Variants in PTBP3 observed in about 807,000 individuals in gnomAD.
The protein encoded by PTBP3 is polypyrimidine tract binding protein 3.
Under a neutral mutation model 58.7 loss-of-function variants are expected in PTBP3, and 20 were observed. The observed-to-expected ratio is 0.34, with a 90% CI of 0.24 to 0.50. The LOEUF is 0.50. PTBP3 is among the 20% of genes least tolerant of loss of function. The pLI is 0.98. For synonymous variants in PTBP3, 185 were observed against 219.8 expected (o/e 0.84, Z 1.40); for missense variants, 509 against 637.2 (o/e 0.80, Z 2.17).
intron 3 of PTBP3, among the ~76,000 whole-genome samples, chr9:112,271,433 A>C (rs551336934): frequency 1.6e-4 from 25 of 152,194 alleles, no homozygotes; most frequent in Non-Finnish European, 3.5e-4. Flanking sequence ...CTTTATCATA[A>C]AATAAAGACA....
At chr9:112,347,654 TAATC>T in the PTBP3 span, among the ~76,000 whole-genome samples, 2 of 152,182 alleles carry the variant, frequency 1.3e-5, no homozygotes, top group Admixed American at 1.3e-4. Flanking sequence ...ATAATGTTAA[TAATC>T]AAGCACAACT....
the PTBP3 span, among the ~76,000 whole-genome samples, chr9:112,367,852 TTC>T: frequency 1.3e-5 from 2 of 152,300 alleles, no homozygotes; most frequent in African/African-American, 4.8e-5. Flanking sequence ...TTGGGGAGTT[TTC>T]TGTCATTGTT....
At chr9:112,329,470 C>T (rs542105845) in intron 1 of PTBP3, among the ~76,000 whole-genome samples, 11 of 152,034 alleles carry the variant, frequency 7.2e-5, no homozygotes, top group Non-Finnish European at 1.2e-4. Flanking sequence ...TGATTTATAA[C>T]CTAGAAGAAT....
At chr9:112,327,385 C>T (rs1451028612) in intron 1 of PTBP3, among the ~76,000 whole-genome samples, 1 of 151,748 alleles carries the variant, frequency 6.6e-6, no homozygotes, top group Non-Finnish European at 1.5e-5. Context: ...ATGGTGAAAC[C>T]GTTTCTACTA....
chr9:112,327,799 G>GA (rs112948823), intron 1 of PTBP3, among the ~76,000 whole-genome samples: 65,558 of 144,188 alleles, frequency 0.45, 15,828 homozygotes, highest in African/African-American at 0.64. Context: ...ACTAATAGAG[G>GA]AAAAAAAAAA....
At chr9:112,227,383 A>G (rs1421998434) in intron 12 of PTBP3, 28 bp downstream of exon 12, 1 of 1,584,812 alleles carries the variant, frequency 6.3e-7, no homozygotes. Flanking sequence ...TCATCATCTA[A>G]GTGATTAATA....
chr9:112,356,794 GCGCACACACA>G, the PTBP3 span, among the ~76,000 whole-genome samples: 2 of 137,184 alleles, frequency 1.5e-5, no homozygotes, highest in African/African-American at 2.8e-5. Context: ...AATTGCGTGT[GCGCACACACA>G]CACACACACA....
intron 1 of PTBP3, among the ~76,000 whole-genome samples, chr9:112,313,036 T>G (rs1172503700): frequency 6.6e-6 from 1 of 151,646 alleles, no homozygotes; most frequent in Non-Finnish European, 1.5e-5. Flanking sequence ...AGCAAGACAC[T>G]GTTTCAAAGA....
At chr9:112,239,063 A>G (rs1308407176) in intron 7 of PTBP3, among the ~76,000 whole-genome samples, 4 of 152,196 alleles carry the variant, frequency 2.6e-5, no homozygotes, top group African/African-American at 9.7e-5. Flanking sequence ...ACATAAAAAT[A>G]TAATAACATC....
the PTBP3 span, among the ~76,000 whole-genome samples, chr9:112,374,240 T>C: frequency 2.0e-5 from 3 of 152,184 alleles, no homozygotes; most frequent in African/African-American, 4.8e-5. Context: ...GAGCACAAAA[T>C]GTCCAGGTGG....
the PTBP3 span, among the ~76,000 whole-genome samples, chr9:112,343,491 T>G: frequency 6.6e-6 from 1 of 152,214 alleles, no homozygotes; most frequent in East Asian, 1.9e-4. Flanking sequence ...GCAGTCAGTT[T>G]AAAATATCTT....
chr9:112,223,741 C>CAA lies in PTBP3; in HGVS notation c.*109_*110insTT, dbSNP rs1554785918. The CAA allele has an allele frequency of 5.4e-6, 8 of 1,490,134 alleles. No homozygotes were observed. Among genetic ancestry groups the CAA allele is most frequent in the Admixed American group, 2.2e-5 (1 of 45,572 alleles). The allele number at this position is 1,490,134 out of a possible 1,614,324, so 92.3% of individuals were successfully genotyped here. A position where few individuals can be genotyped will look rare whatever the true frequency, so the allele number is the denominator to read the frequency against. ...TTAAAATATACTTGAATATCAAACT[C>CAA]AGAGTTATTTTTGTGAAAGAGGCAA... On this transcript the variant is annotated 3_prime_UTR_variant, in exon 14 of 14. Coordinates refer to ENST00000374257, the MANE Select transcript of PTBP3 (RefSeq NM_001163788.4).
At chr9:112,375,078 TGACA>T in the PTBP3 span, among the ~76,000 whole-genome samples, 2 of 152,208 alleles carry the variant, frequency 1.3e-5, no homozygotes, top group Non-Finnish European at 2.9e-5. Context: ...CACTGGATGA[TGACA>T]GGGGTGGTTG....
At chr9:112,329,201 A>G (rs1830270315) in intron 1 of PTBP3, among the ~76,000 whole-genome samples, 1 of 152,212 alleles carries the variant, frequency 6.6e-6, no homozygotes, top group Non-Finnish European at 1.5e-5. Flanking sequence ...ACCTGAGGTC[A>G]GGAGTTGGAG....
chr9:112,297,704 C>T (rs1190766280), intron 2 of PTBP3, 128 bp downstream of exon 2: 3 of 695,372 alleles, frequency 4.3e-6, no homozygotes, highest in African/African-American at 1.8e-5. Context: ...TAGTACTTTA[C>T]CGAAACAAAT....
At chr9:112,374,241 G>A in the PTBP3 span, among the ~76,000 whole-genome samples, 1 of 152,108 alleles carries the variant, frequency 6.6e-6, no homozygotes, top group Non-Finnish European at 1.5e-5. Flanking sequence ...AGCACAAAAT[G>A]TCCAGGTGGC....
At chr9:112,279,878 C>T (rs1172520806) in intron 2 of PTBP3, among the ~76,000 whole-genome samples, 1 of 150,478 alleles carries the variant, frequency 6.6e-6, no homozygotes, top group Non-Finnish European at 1.5e-5. Flanking sequence ...ACCTTTATCC[C>T]TAAGTACTTC....
chr9:112,281,273 T>C (rs1251367860), intron 2 of PTBP3: 1 of 198,806 alleles, frequency 5.0e-6, no homozygotes, highest in Admixed American at 4.6e-5. Context: ...CAGAGCCCAA[T>C]CCAACAGCTA....
At chr9:112,260,008 A>G (rs1836524258) in intron 5 of PTBP3, among the ~76,000 whole-genome samples, 1 of 152,132 alleles carries the variant, frequency 6.6e-6, no homozygotes, top group Non-Finnish European at 1.5e-5. Context: ...CCTGGGTACA[A>G]GTGATTCTCC....
Sources: allele counts gnomAD v4.1 joint callset (sites outside exome capture counted in the v4.1 genomes callset), GRCh38; gene constraint gnomAD v4.1.1; transcripts MANE v1.5; gene names NCBI Gene and HGNC (gene_info 2026-07-23, HGNC 2026-07-21).